The following TC2N variants were observed in gnomAD, a reference collection of about 807,000 sequenced individuals.
TC2N encodes tandem C2 domains, nuclear.
TC2N carries 51 observed loss-of-function variants against 61.9 expected under a neutral mutation model. That is an observed-to-expected ratio of 0.82 (90% CI 0.66 to 1.04). The LOEUF is 1.04. Among genes scored for constraint, TC2N ranks in the 50% least tolerant of loss-of-function variants. TC2N has a pLI of 0.00. For synonymous variants in TC2N, 204 were observed against 192.6 expected (o/e 1.06, Z -0.49); for missense variants, 556 against 566.7 (o/e 0.98, Z 0.19).
intron 8 of TC2N, 113 bp downstream of exon 8, chr14:91,797,672 T>C (rs1306106263): frequency 2.9e-6 from 2 of 700,248 alleles, no homozygotes; most frequent in Admixed American, 3.1e-5. Flanking sequence ...TACATAGTTG[T>C]AGTTTCCCTA....
intron 4 of TC2N, 81 bp downstream of exon 4, chr14:91,802,173 A>G: frequency 1.6e-6 from 2 of 1,288,274 alleles, no homozygotes; most frequent in Non-Finnish European, 2.1e-6. Flanking sequence ...AGTAAAAATC[A>G]TTTATTCCCA....
Position 91,785,202 on chromosome 14 carries a change from T to C in TC2N, c.1322A>G (p.Tyr441Cys), listed in dbSNP as rs779616523. ...EKEIVFLIKL[Y>C]SRSSVRRKHF... is the part of the protein sequence containing the mutation. ...TTTTCTTCTTACAGAGCTTCGACTGTAAAGCTTAATGAGAAAAACAATTTC... is the reference window on the plus strand; with the variant it reads ...TTTTCTTCTTACAGAGCTTCGACTGCAAAGCTTAATGAGAAAAACAATTTC... Residue 441 changes from tyrosine (Y) to cysteine (C), a missense_variant, in exon 11 of 12, where the codon TAC (tyrosine) becomes TGC (cysteine). Coordinates refer to ENST00000435962, the MANE Select transcript of TC2N (RefSeq NM_001128596.3). 1.2e-6 allele frequency: 2 copies of C among 1,613,566 alleles called. No homozygotes were observed. Among genetic ancestry groups the C allele is most frequent in the African/African-American group, 2.7e-5 (2 of 74,910 alleles).
Position 91,843,649 on chromosome 14 carries a change from C to T in TC2N, c.-57+23613G>A, listed in dbSNP as rs192423353. ...CATCAGAGTTTTAGGAAAACACCTA[C>T]GCCCAGCAAAATCCCCAGGGAGTTT... On this transcript the variant is annotated intron_variant, in intron 1 of 11. Coordinates refer to ENST00000435962, the MANE Select transcript of TC2N (RefSeq NM_001128596.3). 1.3e-4 allele frequency among the ~76,000 whole-genome samples: 20 copies of T among 152,302 alleles called. 1 individual carries two copies. The East Asian group carries it at 3.5e-3, about 26-fold the overall frequency.
At chr14:91,785,775 T>C (rs1278890638) in intron 10 of TC2N, among the ~76,000 whole-genome samples, 1 of 152,072 alleles carries the variant, frequency 6.6e-6, no homozygotes, top group Non-Finnish European at 1.5e-5. Flanking sequence ...GCCCACTAGA[T>C]AAAATCTGTA....
chr14:91,866,054 C>T (rs927915407), intron 1 of TC2N, among the ~76,000 whole-genome samples: 3 of 152,060 alleles, frequency 2.0e-5, no homozygotes, highest in Non-Finnish European at 4.4e-5. Context: ...GGATTCTTAA[C>T]CAAAGTATGT....
intron 9 of TC2N, among the ~76,000 whole-genome samples, chr14:91,791,161 G>C (rs1885626354): frequency 1.1e-5 from 1 of 89,946 alleles, no homozygotes; most frequent in East Asian, 3.7e-4. Context: ...GGGAGGGGAA[G>C]GGAAGGGAAG....
intron 1 of TC2N, among the ~76,000 whole-genome samples, chr14:91,847,148 C>T (rs1888287070): frequency 6.6e-6 from 1 of 151,822 alleles, no homozygotes; most frequent in South Asian, 2.1e-4. Flanking sequence ...ATCCCAGCTA[C>T]TCAGGAGGCT....
intron 1 of TC2N, among the ~76,000 whole-genome samples, chr14:91,815,572 CTACT>C (rs1278659640): frequency 1.3e-5 from 2 of 151,566 alleles, no homozygotes; most frequent in East Asian, 1.9e-4. Flanking sequence ...TCATTTATGC[CTACT>C]TAAACTCCAT....
At chr14:91,813,903 T>C in intron 1 of TC2N, 78 bp from the exon 2 acceptor site, 1 of 532,670 alleles carries the variant, frequency 1.9e-6, no homozygotes, top group South Asian at 3.6e-5. Flanking sequence ...AACCACATTA[T>C]CTGTCTTTCT....
In TC2N at chr14:91,844,409, C is replaced by T. The variant is rs549641441; in HGVS notation, c.-57+22853G>A. Reference sequence around the variant, plus strand: ...ACAAACGCACATGCCCACAGACTCACACACCCCAATATATAAAGCCACTCT... The same window carrying T: ...ACAAACGCACATGCCCACAGACTCATACACCCCAATATATAAAGCCACTCT... On this transcript the variant is annotated intron_variant, in intron 1 of 11. Transcript: ENST00000435962. Among the ~76,000 whole-genome samples, 335 of 152,286 alleles carry T rather than the reference C, an allele frequency of 2.2e-3. 1 individual carries two copies. The highest frequency in any genetic ancestry group is 3.8e-3 in the Non-Finnish European group (258 of 68,024).
chr14:91,786,082 A>G (rs933510574), intron 10 of TC2N, among the ~76,000 whole-genome samples: 19 of 152,148 alleles, frequency 1.2e-4, no homozygotes, highest in Non-Finnish European at 2.5e-4. Flanking sequence ...CAGGGAAGCA[A>G]GAAAGTGAGA....
intron 10 of TC2N, 113 bp from the exon 11 acceptor site, chr14:91,785,474 T>C (rs1020561288): frequency 1.4e-6 from 1 of 717,762 alleles, no homozygotes. Context: ...GTAAAAAATA[T>C]AGATAAGTCA....
At chr14:91,809,364 T>A (rs192172827) in intron 3 of TC2N, among the ~76,000 whole-genome samples, 4 of 152,136 alleles carry the variant, frequency 2.6e-5, no homozygotes, top group African/African-American at 9.6e-5. Context: ...GCCAAAACCA[T>A]GCCACTGCAC....
intron 1 of TC2N, among the ~76,000 whole-genome samples, chr14:91,848,388 T>C (rs1174448390): frequency 6.6e-6 from 1 of 152,180 alleles, no homozygotes. Flanking sequence ...ATGATACAGA[T>C]TGTCTACTTT....
At chr14:91,825,322 G>A (rs1024593237) in intron 1 of TC2N, among the ~76,000 whole-genome samples, 3 of 152,042 alleles carry the variant, frequency 2.0e-5, no homozygotes, top group South Asian at 2.1e-4. Context: ...GTGAGCCACC[G>A]CGCCTGGCCA....
At chr14:91,854,888 G>A (rs1888452676) in intron 1 of TC2N, among the ~76,000 whole-genome samples, 1 of 152,208 alleles carries the variant, frequency 6.6e-6, no homozygotes, top group African/African-American at 2.4e-5. Flanking sequence ...TCCCCAAAGA[G>A]GGATAGGGAT....
At chr14:91,838,646 A>C (rs1483710915) in intron 1 of TC2N, among the ~76,000 whole-genome samples, 1 of 152,260 alleles carries the variant, frequency 6.6e-6, no homozygotes, top group African/African-American at 2.4e-5. Flanking sequence ...AAGTGAGCTG[A>C]TGCTTGGTTC....
chr14:91,809,275 G>A (rs1030060190), intron 3 of TC2N, among the ~76,000 whole-genome samples: 1 of 152,086 alleles, frequency 6.6e-6, no homozygotes, highest in Non-Finnish European at 1.5e-5. Flanking sequence ...GGGTGTGGTG[G>A]TGTGCACCTG....
At chr14:91,842,802 A>C (rs533671633) in intron 1 of TC2N, among the ~76,000 whole-genome samples, 5 of 152,306 alleles carry the variant, frequency 3.3e-5, no homozygotes, top group African/African-American at 9.6e-5. Context: ...CAGATAAGCT[A>C]TGTGGTTCCA....
Sources: gnomAD v4.1 joint callset for allele counts (sites outside exome capture counted in the v4.1 genomes callset) on GRCh38, gnomAD v4.1.1 for gene constraint, MANE v1.5 for transcripts, NCBI Gene and HGNC (gene_info 2026-07-23, HGNC 2026-07-21) for gene names.